CADM1: variants seen among roughly 807,000 people sequenced by gnomAD.
CADM1 encodes the protein cell adhesion molecule 1, also known as TSLC-1.
CADM1 carries 15 observed loss-of-function variants against 53.1 expected under a neutral mutation model. That is an observed-to-expected ratio of 0.28 (90% CI 0.19 to 0.44). The LOEUF is 0.44. CADM1 is among the 20% of genes least tolerant of loss of function. The pLI is 1.00. For synonymous variants in CADM1, 281 were observed against 243.0 expected (o/e 1.16, Z -1.45); for missense variants, 434 against 611.3 (o/e 0.71, Z 3.06).
At chr11:115,306,654 T>C (rs1944382752) in intron 1 of CADM1, among the ~76,000 whole-genome samples, 1 of 151,892 alleles carries the variant, frequency 6.6e-6, no homozygotes, top group African/African-American at 2.4e-5. Flanking sequence ...ACAAGTAGGA[T>C]TGTGTAGGAC....
intron 7 of CADM1, 120 bp from the exon 8 acceptor site, chr11:115,209,777 C>G: frequency 2.5e-6 from 3 of 1,208,888 alleles, no homozygotes; most frequent in Admixed American, 2.1e-5. Context: ...CCCTTTAAAA[C>G]CAAAAGTTCT....
At chr11:115,176,686 C>T in intron 11 of CADM1, 94 bp from the exon 12 acceptor site, 8 of 1,036,038 alleles carry the variant, frequency 7.7e-6, no homozygotes, top group East Asian at 2.4e-5. Context: ...CATCATCAGC[C>T]GAAGTGGTGT....
At chr11:115,424,194 A>C (rs1039380466) in intron 1 of CADM1, among the ~76,000 whole-genome samples, 2 of 152,244 alleles carry the variant, frequency 1.3e-5, no homozygotes, top group Non-Finnish European at 2.9e-5. Flanking sequence ...TAATAGCTCC[A>C]TCTGCTACAC....
chr11:115,180,126 C>T (rs1472982295), intron 10 of CADM1, among the ~76,000 whole-genome samples: 1 of 152,130 alleles, frequency 6.6e-6, no homozygotes, highest in Non-Finnish European at 1.5e-5. Context: ...TGAGCCGAAA[C>T]CTGATACAAC....
chr11:115,220,662 C>A (rs1282867246), intron 5 of CADM1, among the ~76,000 whole-genome samples: 2 of 152,158 alleles, frequency 1.3e-5, no homozygotes, highest in African/African-American at 4.8e-5. Context: ...GGCAGATGAG[C>A]TATCCTCTCG....
At chr11:115,195,643 T>G (rs766706046) in intron 9 of CADM1, among the ~76,000 whole-genome samples, 8 of 152,358 alleles carry the variant, frequency 5.3e-5, no homozygotes, top group South Asian at 2.1e-4. Context: ...AAGTTGGGTT[T>G]TCAGCTACAA....
At chr11:115,215,390 CCT>C (rs540436522) in intron 6 of CADM1, among the ~76,000 whole-genome samples, 81 of 152,314 alleles carry the variant, frequency 5.3e-4, no homozygotes, top group African/African-American at 1.9e-3. Flanking sequence ...GAATGCCACC[CCT>C]GTCTCTGATG....
intron 1 of CADM1, among the ~76,000 whole-genome samples, chr11:115,412,479 G>A (rs1033646541): frequency 1.3e-5 from 2 of 152,204 alleles, no homozygotes; most frequent in African/African-American, 4.8e-5. Flanking sequence ...GATTACAGGC[G>A]TGAGCCACTG....
At chr11:115,245,311 C>T (rs1316584323) in intron 1 of CADM1, among the ~76,000 whole-genome samples, 1 of 151,694 alleles carries the variant, frequency 6.6e-6, no homozygotes, top group Non-Finnish European at 1.5e-5. Flanking sequence ...AAAAAAAAAA[C>T]ATTCTGCTAA....
chr11:115,429,721 C>T (rs34050305), intron 1 of CADM1, among the ~76,000 whole-genome samples: 152,310 of 152,310 alleles, frequency 1, 76,155 homozygotes, highest in Non-Finnish European at 1. Flanking sequence ...CTAAGCTCTG[C>T]TGAGCTCTAC....
rs980942789 is a variant in CADM1, at chr11:115,210,500, A to T, written c.995-843T>A. On this transcript the variant is annotated intron_variant, in intron 7 of 11. Transcript: ENST00000331581. ...ATCATCTCAAAAATTATTTGGAGACAAGGGAGGGGCAAATATGAAAGAGAA... is the reference window on the plus strand; with the variant it reads ...ATCATCTCAAAAATTATTTGGAGACTAGGGAGGGGCAAATATGAAAGAGAA... Among the ~76,000 whole-genome samples the T allele has an allele frequency of 3.9e-5, 6 of 152,314 alleles. No individual in the cohort carries two copies. In the East Asian group the frequency reaches 5.8e-4, roughly 15 times the overall value.
At chr11:115,471,591 C>T (rs955617095) in intron 1 of CADM1, among the ~76,000 whole-genome samples, 1 of 152,184 alleles carries the variant, frequency 6.6e-6, no homozygotes, top group South Asian at 2.1e-4. Context: ...ACCCCAAAGG[C>T]TTGTTACACA....
intron 1 of CADM1, among the ~76,000 whole-genome samples, chr11:115,494,662 G>A (rs1214546028): frequency 6.6e-6 from 1 of 151,992 alleles, no homozygotes; most frequent in Non-Finnish European, 1.5e-5. Flanking sequence ...TTCTTTTTCA[G>A]TATTCCCTAA....
Position 115,465,208 on chromosome 11 carries a change from TAC to T in CADM1, c.124+39061_124+39062del, listed in dbSNP as rs113648132. On this transcript the variant is annotated intron_variant, in intron 1 of 11. Coordinates refer to ENST00000331581, the MANE Select transcript of CADM1 (RefSeq NM_001301043.2). ...TATGAGTGCTACTACCTCAGCATAC[TAC>T]ATCCGGGCTTGAAGAAAAAGACATT... Among the ~76,000 whole-genome samples, 15 of 152,288 alleles carry T rather than the reference TAC, an allele frequency of 9.8e-5. 1 individual carries two copies. Among genetic ancestry groups the T allele is most frequent in the African/African-American group, 3.6e-4 (15 of 41,572 alleles).
chr11:115,451,000 A>G (rs1948559434), intron 1 of CADM1, among the ~76,000 whole-genome samples: 1 of 152,186 alleles, frequency 6.6e-6, no homozygotes, highest in South Asian at 2.1e-4. Flanking sequence ...AATTTACACA[A>G]AAACCTAAAG....
At chr11:115,302,735 G>A (rs1944263143) in intron 1 of CADM1, among the ~76,000 whole-genome samples, 1 of 152,046 alleles carries the variant, frequency 6.6e-6, no homozygotes, top group Non-Finnish European at 1.5e-5. Context: ...AAAAATAAAG[G>A]AGGCAACTGG....
rs146310971 is a variant in CADM1 at position 115,245,608 on chromosome 11, C to T, written c.125-5188G>A. Among the ~76,000 whole-genome samples, 16 of 152,288 alleles carry T rather than the reference C, an allele frequency of 1.1e-4. No individual in the cohort carries two copies. In the East Asian group the frequency reaches 3.1e-3, roughly 29 times the overall value. On this transcript the variant is annotated intron_variant, in intron 1 of 11. Coordinates refer to ENST00000331581, the MANE Select transcript of CADM1 (RefSeq NM_001301043.2). Reference sequence around the variant, plus strand: ...ATCCCTACCCGAAATAAAACCATCACTAGTAGAGGCACTGCAATTCCTGCT... The same window carrying T: ...ATCCCTACCCGAAATAAAACCATCATTAGTAGAGGCACTGCAATTCCTGCT...
At chr11:115,182,620 A>T (rs1030069474) in intron 10 of CADM1, among the ~76,000 whole-genome samples, 2 of 152,222 alleles carry the variant, frequency 1.3e-5, no homozygotes, top group Non-Finnish European at 2.9e-5. Context: ...GTTATTGTGT[A>T]TCGCTGTGTC....
intron 1 of CADM1, among the ~76,000 whole-genome samples, chr11:115,483,033 C>T (rs1424089589): frequency 6.6e-6 from 1 of 152,184 alleles, no homozygotes. Context: ...TTTAAATCCA[C>T]AATATCTCAA....
Sources: allele counts gnomAD v4.1 joint callset (sites outside exome capture counted in the v4.1 genomes callset), GRCh38; gene constraint gnomAD v4.1.1; transcripts MANE v1.5; gene names NCBI Gene and HGNC (gene_info 2026-07-23, HGNC 2026-07-21).